Variants in CLEC16A observed in about 807,000 individuals in gnomAD.
CLEC16A encodes the protein protein CLEC16A.
CLEC16A carries 51 observed loss-of-function variants against 109.5 expected under a neutral mutation model. The observed-to-expected ratio is 0.47, with a 90% CI of 0.37 to 0.59. CLEC16A has a LOEUF of 0.59. Ranked by LOEUF, CLEC16A falls within the 20% of genes least tolerant of loss-of-function variation. CLEC16A has a pLI of 0.00. For missense variants in CLEC16A, 1,339 were observed against 1,394.0 expected, an observed-to-expected ratio of 0.96 and a Z score of 0.63; for synonymous variants, 673 against 564.2, an observed-to-expected ratio of 1.19 and a Z score of -2.73.
chr16:11,002,975 A>G (rs1489927150), intron 10 of CLEC16A, 99 bp from the exon 11 acceptor site: 1 of 859,788 alleles, frequency 1.2e-6, no homozygotes. Context: ...TTTCTTTTGG[A>G]GATGAGTTTC....
chr16:11,103,103 A>T (rs2051015812), intron 19 of CLEC16A, among the ~76,000 whole-genome samples: 1 of 152,198 alleles, frequency 6.6e-6, no homozygotes, highest in South Asian at 2.1e-4. Context: ...TTCTGGCGGA[A>T]ATGAGGTGAA....
At chr16:11,103,262 G>A (rs1464672412) in intron 19 of CLEC16A, among the ~76,000 whole-genome samples, 1 of 152,160 alleles carries the variant, frequency 6.6e-6, no homozygotes, top group Non-Finnish European at 1.5e-5. Context: ...GCCCATTGCT[G>A]GGCTTCTTTC....
chr16:11,126,696 G>C (rs765920092), intron 22 of CLEC16A: 1 of 172,740 alleles, frequency 5.8e-6, no homozygotes, highest in Non-Finnish European at 1.2e-5. Flanking sequence ...TTGCTGATTT[G>C]TCAGAGTGGA....
At chr16:11,061,891 C>G (rs2048499638) in intron 19 of CLEC16A, among the ~76,000 whole-genome samples, 1 of 152,256 alleles carries the variant, frequency 6.6e-6, no homozygotes, top group Non-Finnish European at 1.5e-5. Flanking sequence ...CTGCTTTCCT[C>G]TGTTCATCCT....
In CLEC16A at chr16:10,961,968, CTTTT is replaced by C. The variant is rs5815604; in HGVS notation, c.210-476_210-473del. Among the ~76,000 whole-genome samples the C allele has an allele frequency of 7.4e-6, 1 of 135,344 alleles. No individual in the cohort carries two copies. The highest frequency in any genetic ancestry group is 1.6e-5 in the Non-Finnish European group (1 of 63,804). 88.8% of individuals were successfully genotyped at this position (135,344 alleles called of 152,430 possible). A position where few individuals can be genotyped will look rare whatever the true frequency, so the allele number is the denominator to read the frequency against. On this transcript the variant is annotated intron_variant, in intron 2 of 23. Transcript: ENST00000409790. The surrounding 1 kb of genome is among the most constrained non-coding windows in gnomAD (Gnocchi z 4.3). ...TTGGGAACTTTTTTTTCTTTTTTTT[CTTTT>C]TTTTTTTTTTGGCTCTGTCACCCAG...
In CLEC16A at chr16:11,000,624, C is replaced by T. The variant is rs377609645; in HGVS notation, c.1072-2450C>T. 2.0e-4 allele frequency among the ~76,000 whole-genome samples: 31 copies of T among 152,228 alleles called. 1 individual carries two copies. The South Asian group carries it at 5.8e-3, about 28-fold the overall frequency. On this transcript the variant is annotated intron_variant, in intron 10 of 23. Coordinates refer to ENST00000409790, the MANE Select transcript of CLEC16A (RefSeq NM_015226.3). ...TCTGTCAAGCAGTGCATTCTCAGAA[C>T]GCTCCCATCTGGGGGCCCTCGGTTA...
intron 10 of CLEC16A, among the ~76,000 whole-genome samples, chr16:11,001,676 C>T (rs1037013062): frequency 1.3e-5 from 2 of 151,946 alleles, no homozygotes; most frequent in African/African-American, 4.8e-5. Context: ...CTCATTCTGT[C>T]GCCCAGGCTG....
intron 17 of CLEC16A, among the ~76,000 whole-genome samples, chr16:11,050,112 G>A (rs988488308): frequency 9.2e-5 from 14 of 152,198 alleles, no homozygotes; most frequent in Non-Finnish European, 1.3e-4. Context: ...ATTTGGCGAC[G>A]GCCTTCTTGC....
intron 1 of CLEC16A, among the ~76,000 whole-genome samples, chr16:10,953,326 G>GA (rs2041826744): frequency 6.6e-6 from 1 of 152,198 alleles, no homozygotes; most frequent in Admixed American, 6.5e-5. Context: ...TTTCCATATA[G>GA]AAAAACTTAA....
chr16:11,137,808 CA>C (rs1006527936), intron 22 of CLEC16A, among the ~76,000 whole-genome samples: 1 of 151,052 alleles, frequency 6.6e-6, no homozygotes, highest in Non-Finnish European at 1.5e-5. Flanking sequence ...GACTCCCTCT[CA>C]AAAAAAAGGG....
intron 19 of CLEC16A, among the ~76,000 whole-genome samples, chr16:11,104,719 G>A (rs758935747): frequency 1.3e-5 from 2 of 152,216 alleles, no homozygotes; most frequent in Admixed American, 6.5e-5. Flanking sequence ...TTCCTACAAA[G>A]TAGGGGTGTC....
intron 22 of CLEC16A, among the ~76,000 whole-genome samples, chr16:11,164,603 C>T (rs912270556): frequency 6.6e-6 from 1 of 152,244 alleles, no homozygotes; most frequent in African/African-American, 2.4e-5. Flanking sequence ...CAGATGGGCA[C>T]ACTGCTTCTG....
chr16:11,038,260 G>A (rs1212509872), intron 13 of CLEC16A, among the ~76,000 whole-genome samples: 1 of 152,126 alleles, frequency 6.6e-6, no homozygotes, highest in East Asian at 1.9e-4. Context: ...TTTTGTCAAG[G>A]TTCTAAATGA....
chr16:11,140,676 C>G (rs142863732), intron 22 of CLEC16A, among the ~76,000 whole-genome samples: 31 of 152,302 alleles, frequency 2.0e-4, no homozygotes, highest in African/African-American at 5.8e-4. Flanking sequence ...CTCAAGCTGC[C>G]GGACTTGAGC....
chr16:11,018,163 CG>C (rs2045875041), intron 11 of CLEC16A, among the ~76,000 whole-genome samples: 1 of 151,468 alleles, frequency 6.6e-6, no homozygotes, highest in Non-Finnish European at 1.5e-5. Context: ...AAAAATTAGC[CG>C]GGTGTGCTGG....
In CLEC16A at chr16:10,969,198, C is replaced by T. The variant is rs200165154; in HGVS notation, c.381C>T (p.Ile127=). 449 of 1,609,592 alleles carry T rather than the reference C, an allele frequency of 2.8e-4. No individual in the cohort carries two copies. The highest frequency in any genetic ancestry group is 3.7e-4 in the Non-Finnish European group (439 of 1,176,988). Residue 127 remains isoleucine (I), a synonymous_variant, in exon 4 of 24, where the codon ATC becomes ATT. Transcript: ENST00000409790. The part of the protein sequence containing the change: ...LLSNNYVNSI[I]VHKFDFSDEE... ...CAAATAACTACGTAAATTCTATCAT[C>T]GTTCATAAATTTGACTTTTCTGATG...
intron 20 of CLEC16A, among the ~76,000 whole-genome samples, chr16:11,122,459 A>G (rs1034097997): frequency 6.6e-6 from 1 of 151,974 alleles, no homozygotes; most frequent in African/African-American, 2.4e-5. Flanking sequence ...CTTCCATCAG[A>G]CAATGAAAGC....
At chr16:10,983,379 G>T (rs1219808832) in intron 10 of CLEC16A, among the ~76,000 whole-genome samples, 1 of 152,252 alleles carries the variant, frequency 6.6e-6, no homozygotes, top group African/African-American at 2.4e-5. Context: ...GTGGCGAGGG[G>T]TGTGGCAAAT....
In CLEC16A at chr16:11,166,452, C is replaced by G. The variant is rs2068265915; in HGVS notation, c.2706C>G (p.Pro902=). ...SSPSLSSQSP[P]SASGSPSGSG... ...CGTCCCTGTCCTCACAGTCGCCACC[C>G]TCCGCCAGCGGGAGCCCCAGCGGCA... The change falls in exon 23 of 24, where the codon CCC becomes CCG. Residue 902 remains proline (P), a synonymous_variant. Transcript: ENST00000409790. The G allele has an allele frequency of 6.2e-7, 1 of 1,607,690 alleles. No homozygotes were observed. The highest frequency in any genetic ancestry group is 1.7e-5 in the Admixed American group (1 of 59,962).
Sources: allele counts gnomAD v4.1 joint callset (sites outside exome capture counted in the v4.1 genomes callset), GRCh38; gene constraint gnomAD v4.1.1; non-coding constraint Gnocchi (gnomAD v3.1); transcripts MANE v1.5; gene names NCBI Gene and HGNC (gene_info 2026-07-23, HGNC 2026-07-21).